Variants in PCBP3 observed in about 807,000 individuals in gnomAD.
PCBP3 encodes poly(rC) binding protein 3.
In PCBP3, 25 loss-of-function variants were observed where a neutral mutation model predicts 52.7. The ratio of observed to expected loss-of-function variants is 0.47; its 90% CI spans 0.35 to 0.66. PCBP3 has a LOEUF of 0.66. Among genes scored for constraint, PCBP3 ranks in the 30% least tolerant of loss-of-function variants. PCBP3 has a pLI of 0.01. For missense variants in PCBP3, 391 were observed against 490.3 expected (o/e 0.80, Z 1.91); for synonymous variants, 162 against 183.0 (o/e 0.89, Z 0.93).
intron 1 of PCBP3, among the ~76,000 whole-genome samples, chr21:45,655,305 T>C (rs1436375264): frequency 6.6e-6 from 1 of 151,896 alleles, no homozygotes; most frequent in Non-Finnish European, 1.5e-5. Context: ...CTGCAACATC[T>C]TCGGGAAACA....
At chr21:45,932,996 T>A (rs369604400) in intron 15 of PCBP3, among the ~76,000 whole-genome samples, 19 of 151,632 alleles carry the variant, frequency 1.3e-4, no homozygotes, top group African/African-American at 4.6e-4. Context: ...CTGAGATGAA[T>A]GAACACATCG....
At chr21:45,738,696 T>C (rs2086082975) in intron 3 of PCBP3, among the ~76,000 whole-genome samples, 1 of 152,234 alleles carries the variant, frequency 6.6e-6, no homozygotes, top group South Asian at 2.1e-4. Context: ...CCCCTTCCTG[T>C]CCATGGCCCC....
Position 45,904,544 on chromosome 21 carries a change from G to T in PCBP3, c.339+3431G>T, listed in dbSNP as rs1364084890. 2.6e-5 allele frequency among the ~76,000 whole-genome samples: 4 copies of T among 152,208 alleles called. No homozygotes were observed. The highest frequency in any genetic ancestry group is 5.9e-5 in the Non-Finnish European group (4 of 68,032). On this transcript the variant is annotated intron_variant, in intron 9 of 17. Transcript: ENST00000681687. The surrounding 1 kb of genome is among the most constrained non-coding windows in gnomAD (Gnocchi z 4.8). ...TGAGTAAGGGGTAACTACTCAGAGA[G>T]TTCTGTTATAATGGTTTGTGTAAAA...
At chr21:45,765,840 G>C (rs1294120125) in intron 4 of PCBP3, among the ~76,000 whole-genome samples, 2 of 152,216 alleles carry the variant, frequency 1.3e-5, no homozygotes, top group Non-Finnish European at 2.9e-5. Context: ...CTGGCGATGT[G>C]CTTCCTTCAT....
chr21:45,849,915 G>A (rs1460710534), intron 4 of PCBP3, 46 bp from the exon 5 acceptor site: 7 of 659,906 alleles, frequency 1.1e-5, no homozygotes, highest in Admixed American at 2.2e-5. Flanking sequence ...TGGCGGAGAG[G>A]CCCTGCACTG....
At chr21:45,842,306 G>C (rs2093715568) in intron 4 of PCBP3, among the ~76,000 whole-genome samples, 1 of 152,230 alleles carries the variant, frequency 6.6e-6, no homozygotes, top group Non-Finnish European at 1.5e-5. Context: ...TATTCACCTA[G>C]ATTCCCACTT....
intron 4 of PCBP3, among the ~76,000 whole-genome samples, chr21:45,841,568 C>T (rs11089023): frequency 0.3 from 45,815 of 152,054 alleles, 8,294 homozygotes; most frequent in East Asian, 0.67. Context: ...TCACATATTA[C>T]GCTATGAGTT....
intron 3 of PCBP3, among the ~76,000 whole-genome samples, chr21:45,754,828 G>A (rs894951343): frequency 3.3e-5 from 5 of 152,118 alleles, no homozygotes; most frequent in African/African-American, 9.7e-5. Flanking sequence ...ATAATACTCA[G>A]TTCAAGGAAT....
At chr21:45,833,701 G>T (rs907313051) in intron 4 of PCBP3, among the ~76,000 whole-genome samples, 11 of 152,168 alleles carry the variant, frequency 7.2e-5, no homozygotes, top group African/African-American at 2.7e-4. Flanking sequence ...AGTGCCAGTG[G>T]CAGAGGCCAG....
intron 4 of PCBP3, among the ~76,000 whole-genome samples, chr21:45,767,273 C>T (rs2089433236): frequency 6.6e-6 from 1 of 152,078 alleles, no homozygotes; most frequent in Non-Finnish European, 1.5e-5. Context: ...ACAGATTTGC[C>T]CATGCTGGGT....
At chr21:45,910,739 A>C (rs1442825956) in intron 10 of PCBP3, among the ~76,000 whole-genome samples, 163 bp from the exon 11 acceptor site, 2 of 151,880 alleles carry the variant, frequency 1.3e-5, no homozygotes, top group East Asian at 3.9e-4. Flanking sequence ...CAGGGGCAGC[A>C]TGGGGGCAGT....
At chr21:45,866,361 AT>A in intron 5 of PCBP3, among the ~76,000 whole-genome samples, 1 of 152,214 alleles carries the variant, frequency 6.6e-6, no homozygotes, top group East Asian at 1.9e-4. Context: ...CAGGGTTCTT[AT>A]CGCAAGGAAA....
At chr21:45,790,162 C>A (rs2091444991) in intron 4 of PCBP3, among the ~76,000 whole-genome samples, 1 of 152,022 alleles carries the variant, frequency 6.6e-6, no homozygotes, top group Non-Finnish European at 1.5e-5. Context: ...AAAGAATAGT[C>A]TCTCAGGGGA....
intron 1 of PCBP3, among the ~76,000 whole-genome samples, chr21:45,646,077 C>CTT (rs2079242303): frequency 2.7e-5 from 3 of 110,208 alleles, no homozygotes; most frequent in Non-Finnish European, 3.7e-5. Context: ...CTCTCTCTCT[C>CTT]TCTCTTTCTC....
At chr21:45,732,687 G>T (rs1328096143) in intron 2 of PCBP3, 1 of 152,026 alleles carries the variant, frequency 6.6e-6, no homozygotes, top group Non-Finnish European at 1.5e-5. Flanking sequence ...ACAAGGCCTC[G>T]TTCTGTCACC....
intron 2 of PCBP3, among the ~76,000 whole-genome samples, chr21:45,701,399 T>C (rs546933448): frequency 6.6e-6 from 1 of 152,310 alleles, no homozygotes; most frequent in East Asian, 1.9e-4. Flanking sequence ...ACTTTTGGAA[T>C]TCAGGACTCC....
intron 17 of PCBP3, among the ~76,000 whole-genome samples, chr21:45,941,048 A>G (rs1168217831): frequency 6.6e-6 from 1 of 152,188 alleles, no homozygotes; most frequent in East Asian, 1.9e-4. Context: ...TGAGTGGGTG[A>G]GAGGCTGCCT....
rs567848136 is a variant in PCBP3 at position 45,733,948 on chromosome 21, A to G, written c.-199-1444A>G. Among the ~76,000 whole-genome samples, 3 of 152,350 alleles carry G rather than the reference A, an allele frequency of 2.0e-5. No homozygotes were observed. In the East Asian group the frequency reaches 5.8e-4, roughly 29 times the overall value. Reference sequence around the variant, plus strand: ...GAGTTTGTATCTTACTGATCAACCAATCTCATTATGAGATATATTTTTGTG... The same window carrying G: ...GAGTTTGTATCTTACTGATCAACCAGTCTCATTATGAGATATATTTTTGTG... On this transcript the variant is annotated intron_variant, in intron 2 of 17. Transcript: ENST00000681687.
rs373020336 is a variant in PCBP3 at position 45,802,881 on chromosome 21, C to T, written c.-125-47080C>T. On this transcript the variant is annotated intron_variant, in intron 4 of 17. Coordinates refer to ENST00000681687, the MANE Select transcript of PCBP3 (RefSeq NM_001384156.1). The surrounding 1 kb of genome is among the most constrained non-coding windows in gnomAD (Gnocchi z 5.1). ...GCTTTTAACCCTTGTCGTGTATAAACGACTCACTAGGTCTTGGTGCATTTT... is the reference window on the plus strand; with the variant it reads ...GCTTTTAACCCTTGTCGTGTATAAATGACTCACTAGGTCTTGGTGCATTTT... 1.7e-4 allele frequency among the ~76,000 whole-genome samples: 26 copies of T among 152,302 alleles called. No individual in the cohort carries two copies. The highest frequency in any genetic ancestry group is 3.4e-4 in the Non-Finnish European group (23 of 68,018).
Sources: gnomAD v4.1 joint callset for allele counts (sites outside exome capture counted in the v4.1 genomes callset) on GRCh38, gnomAD v4.1.1 for gene constraint, Gnocchi (gnomAD v3.1) non-coding constraint, MANE v1.5 for transcripts, NCBI Gene and HGNC (gene_info 2026-07-23, HGNC 2026-07-21) for gene names.